Variants in SLC6A9 observed in about 807,000 individuals in gnomAD.
SLC6A9 encodes solute carrier family 6 member 9.
Under a neutral mutation model 70.9 loss-of-function variants are expected in SLC6A9, and 31 were observed. The ratio of observed to expected loss-of-function variants is 0.44; its 90% CI spans 0.33 to 0.59. SLC6A9 has a LOEUF of 0.59. SLC6A9 is among the 20% of genes least tolerant of loss of function. The pLI, the probability that SLC6A9 is intolerant of heterozygous loss-of-function variation, is 0.04. For missense variants in SLC6A9, 631 were observed against 845.2 expected, an observed-to-expected ratio of 0.75 and a Z score of 3.14; for synonymous variants, 310 against 341.3, an observed-to-expected ratio of 0.91 and a Z score of 1.01.
At chr1:44,023,244 G>C (rs909351221) in intron 2 of SLC6A9, among the ~76,000 whole-genome samples, 1 of 152,194 alleles carries the variant, frequency 6.6e-6, no homozygotes, top group Non-Finnish European at 1.5e-5. Flanking sequence ...GATCTCAAGA[G>C]AAGGAAGACA....
intron 2 of SLC6A9, chr1:44,011,523 C>T: frequency 6.3e-7 from 1 of 1,598,474 alleles, no homozygotes; most frequent in Non-Finnish European, 8.6e-7. Context: ...GAGCTAGCTA[C>T]ACTGCCCATG....
chr1:44,021,566 T>C (rs2086884667), intron 2 of SLC6A9, among the ~76,000 whole-genome samples: 1 of 152,174 alleles, frequency 6.6e-6, no homozygotes, highest in African/African-American at 2.4e-5. Context: ...GAGGATCCCA[T>C]GGTAGGGGCC....
intron 8 of SLC6A9, 65 bp from the exon 9 acceptor site, chr1:44,001,692 G>T: frequency 7.8e-7 from 1 of 1,282,530 alleles, no homozygotes; most frequent in Non-Finnish European, 1.1e-6. Context: ...GAGACATGGA[G>T]ACACGGAAAG....
chr1:44,002,261 G>T lies in SLC6A9; in HGVS notation c.962+52C>A, dbSNP rs1393174881. On this transcript the variant is annotated intron_variant, in intron 8 of 13. Transcript: ENST00000372310. This position sits in a 1 kb window ranked among gnomAD's most constrained non-coding sequence, Gnocchi z 5.5. ...ATGGCTGCACTGGAGCTGAGATCAG[G>T]CTGCAGAGAGTGCAGGAAGGGGGCA... 4.6e-6 allele frequency: 6 copies of T among 1,303,494 alleles called. No individual in the cohort carries two copies. Among genetic ancestry groups the T allele is most frequent in the Admixed American group, 1.7e-5 (1 of 59,498 alleles). The allele number at this position is 1,303,494 out of a possible 1,614,324, so 80.7% of individuals were successfully genotyped here.
chr1:44,010,315 T>C lies in SLC6A9; in HGVS notation c.188-219A>G, dbSNP rs2486001. The stretch of plus-strand genomic sequence containing the variant: ...AATTCTGCTTGGAGTGGAATCCAGG[T>C]CCCAGAGCCTCCATACTTGGGTGGG... On this transcript the variant is annotated intron_variant, in intron 3 of 13. Coordinates refer to ENST00000372310, the MANE Select transcript of SLC6A9 (RefSeq NM_001024845.3). 464,449 of 547,698 alleles carry C rather than the reference T, an allele frequency of 0.85. 197,903 individuals are homozygous for C. The highest frequency in any genetic ancestry group is 0.93 in the African/African-American group (49,485 of 52,982). 33.9% of individuals were successfully genotyped at this position (547,698 alleles called of 1,614,324 possible). A position where few individuals can be genotyped will look rare whatever the true frequency, so the allele number is the denominator to read the frequency against.
At chr1:44,016,383 C>T (rs1168731250) in intron 2 of SLC6A9, 2 of 152,564 alleles carry the variant, frequency 1.3e-5, no homozygotes, top group East Asian at 3.8e-4. Flanking sequence ...AGAGGACATT[C>T]CCTCTCTTGC....
intron 2 of SLC6A9, among the ~76,000 whole-genome samples, chr1:44,020,908 G>A (rs1021078676): frequency 2.0e-5 from 3 of 152,244 alleles, no homozygotes; most frequent in Admixed American, 2.0e-4. Flanking sequence ...GTCTGTTCCT[G>A]TTCATTGTAA....
In SLC6A9 at chr1:44,008,455, G is replaced by A; in HGVS notation, c.488C>T (p.Ser163Phe). 9.3e-6 allele frequency: 15 copies of A among 1,614,194 alleles called. No homozygotes were observed. Among genetic ancestry groups the A allele is most frequent in the African/African-American group, 1.3e-5 (1 of 75,068 alleles). The change falls in exon 5 of 14, where the codon TCC (serine) becomes TTC (phenylalanine). Residue 163 changes from serine (S) to phenylalanine (F), a missense_variant. Transcript: ENST00000372310. ...TGGCCGAGAGCCATTGGTGAGGTTG[G>A]AGGCGTCCAGTACACCGGCGCAGTC... ...THDCAGVLDA[S>F]NLTNGSRPAA...
chr1:44,024,543 C>T (rs1466859354), intron 1 of SLC6A9, among the ~76,000 whole-genome samples, 181 bp from the exon 2 acceptor site: 2 of 152,270 alleles, frequency 1.3e-5, no homozygotes, highest in African/African-American at 2.4e-5. Flanking sequence ...CCCAACCTTT[C>T]CCCTGGATCT....
At chr1:43,999,998 G>A (rs1053718261) in intron 12 of SLC6A9, among the ~76,000 whole-genome samples, 2 of 152,182 alleles carry the variant, frequency 1.3e-5, no homozygotes, top group Non-Finnish European at 2.9e-5. Flanking sequence ...GTGTGGCGCT[G>A]GCCCAGGCTT....
At chr1:43,999,994 C>T (rs759417804) in intron 12 of SLC6A9, among the ~76,000 whole-genome samples, 8 of 152,222 alleles carry the variant, frequency 5.3e-5, no homozygotes, top group Admixed American at 2.0e-4. Flanking sequence ...TCTAGTGTGG[C>T]GCTGGCCCAG....
intron 1 of SLC6A9, among the ~76,000 whole-genome samples, chr1:44,026,839 G>A (rs1252857215): frequency 6.6e-6 from 1 of 152,182 alleles, no homozygotes; most frequent in Admixed American, 6.5e-5. Context: ...GACTCGGAGA[G>A]GTCACATGCC....
rs202065176 is a variant in SLC6A9, at chr1:43,997,399, C to G, written c.*146G>C. The stretch of plus-strand genomic sequence containing the variant: ...ACACTGGGGACATGAGCATGAATGA[C>G]TGCACTAGCAGTGGTGACCAAGGTG... On this transcript the variant is annotated 3_prime_UTR_variant, in exon 14 of 14. Coordinates refer to ENST00000372310, the MANE Select transcript of SLC6A9 (RefSeq NM_001024845.3). This position sits in a 1 kb window ranked among gnomAD's most constrained non-coding sequence, Gnocchi z 4.4. 1.3e-5 allele frequency: 9 copies of G among 695,226 alleles called. No homozygotes were observed. Among genetic ancestry groups the G allele is most frequent in the Non-Finnish European group, 2.3e-5 (9 of 396,318 alleles). 43.1% of individuals were successfully genotyped at this position (695,226 alleles called of 1,614,324 possible). A position where few individuals can be genotyped will look rare whatever the true frequency, so the allele number is the denominator to read the frequency against.
chr1:43,998,064 C>G, intron 12 of SLC6A9, 39 bp from the exon 13 acceptor site: 1 of 1,564,438 alleles, frequency 6.4e-7, no homozygotes, highest in Non-Finnish European at 8.7e-7. Context: ...TGAGGCCGAC[C>G]CAGAGCCCAG....
In SLC6A9 at chr1:44,008,423, A is replaced by G; in HGVS notation, c.520T>C (p.Leu174=). 1.2e-6 allele frequency: 2 copies of G among 1,614,088 alleles called. No homozygotes were observed. The highest frequency in any genetic ancestry group is 1.7e-6 in the Non-Finnish European group (2 of 1,179,934). Residue 174 remains leucine (L), a synonymous_variant, in exon 5 of 14, where the codon TTG becomes CTG. Coordinates refer to ENST00000372310, the MANE Select transcript of SLC6A9 (RefSeq NM_001024845.3). ...AGCAGGTGGGAGAGGTTGCTGGGCA[A>G]GGCGGCTGGCCGAGAGCCATTGGTG... ...NLTNGSRPAA[L]PSNLSHLLNH...
In SLC6A9 at chr1:44,017,084, G is replaced by A. The variant is rs1418627744; in HGVS notation, c.31-6202C>T. The A allele has an allele frequency of 5.0e-6, 8 of 1,603,856 alleles. No individual in the cohort carries two copies. In the Admixed American group the frequency reaches 6.9e-5, roughly 14 times the overall value. ...AGAGGGGGCCACAGGTCCATGAGCC[G>A]CGGCCATCCTGGGGCGAGCGATCGC... is the stretch of plus-strand genomic sequence containing the variant. On this transcript the variant is annotated intron_variant, in intron 2 of 13. Coordinates refer to ENST00000372310, the MANE Select transcript of SLC6A9 (RefSeq NM_001024845.3).
At position 44,002,394 on chromosome 1, in the gene SLC6A9, T is replaced by C; in HGVS notation, c.881A>G (p.Gln294Arg). 1.2e-6 allele frequency: 2 copies of C among 1,614,104 alleles called. No homozygotes were observed. The highest frequency in any genetic ancestry group is 2.2e-5 in the East Asian group (1 of 44,878). ...EAKVWGDAAS[Q>R]IFYSLGCAWG... ...CGCGCAGCCCAGTGAGTAGAAGATC[T>C]GGGAGGCAGCATCACCCCACACCTG... is the stretch of plus-strand genomic sequence containing the variant. The change falls in exon 8 of 14, where the codon CAG (glutamine) becomes CGG (arginine). Residue 294 changes from glutamine to arginine, a missense_variant. By Grantham distance (43) the Gln-to-Arg change is conservative (BLOSUM62 1). Transcript: ENST00000372310. The surrounding 1 kb of genome is among the most constrained non-coding windows in gnomAD (Gnocchi z 5.5).
intron 12 of SLC6A9, 152 bp from the exon 13 acceptor site, chr1:43,998,177 G>A: frequency 1.4e-6 from 1 of 736,342 alleles, no homozygotes; most frequent in Admixed American, 3.0e-5. Flanking sequence ...TCTGGGCCGT[G>A]GAAGAAGCAG....
intron 2 of SLC6A9, among the ~76,000 whole-genome samples, chr1:44,011,103 C>G (rs1057026703): frequency 2.6e-5 from 4 of 152,222 alleles, no homozygotes; most frequent in African/African-American, 4.8e-5. Context: ...CCCCACAGCA[C>G]CCAGTGCCAG....
Sources: gnomAD v4.1 joint callset for allele counts (sites outside exome capture counted in the v4.1 genomes callset) on GRCh38, gnomAD v4.1.1 for gene constraint, Gnocchi (gnomAD v3.1) non-coding constraint, MANE v1.5 for transcripts, NCBI Gene and HGNC (gene_info 2026-07-23, HGNC 2026-07-21) for gene names.